The following PDLIM3 variants were observed in gnomAD, a reference collection of about 807,000 sequenced individuals.
PDLIM3 encodes PDZ and LIM domain 3, also known as PDZ and LIM domain protein 3.
In PDLIM3, 36 loss-of-function variants were observed where a neutral mutation model predicts 37.3. The ratio of observed to expected loss-of-function variants is 0.97; its 90% confidence interval spans 0.74 to 1.28. PDLIM3 has a LOEUF of 1.28. Ranked by LOEUF, PDLIM3 falls within the 50% of genes most tolerant of loss-of-function variation. PDLIM3 has a pLI of 0.00. For synonymous variants in PDLIM3, 174 were observed against 182.4 expected (o/e 0.95, Z 0.37); for missense variants, 454 against 485.0 (o/e 0.94, Z 0.60).
chr4:185,524,867 CT>C (rs1481605945), intron 2 of PDLIM3, among the ~76,000 whole-genome samples, 152 bp downstream of exon 2: 1 of 152,220 alleles, frequency 6.6e-6, no homozygotes, highest in Non-Finnish European at 1.5e-5. Context: ...GATTGACTGA[CT>C]TTAGTAAAGA....
chr4:185,513,439 G>A (rs967706413), intron 4 of PDLIM3: 5 of 930,070 alleles, frequency 5.4e-6, no homozygotes, highest in African/African-American at 1.8e-5. Context: ...AAAATGGGCC[G>A]TGTCTCACAC....
intron 1 of PDLIM3, among the ~76,000 whole-genome samples, chr4:185,531,773 T>G (rs2095744763): frequency 6.6e-6 from 1 of 151,808 alleles, no homozygotes; most frequent in South Asian, 2.1e-4. Context: ...GGTATTTCAA[T>G]TCTTTGTATA....
intron 5 of PDLIM3, among the ~76,000 whole-genome samples, chr4:185,507,902 C>T (rs374886625): frequency 5.3e-5 from 8 of 151,822 alleles, no homozygotes; most frequent in South Asian, 2.1e-4. Flanking sequence ...TTTTTGATCC[C>T]CAAAGGACAG....
At position 185,508,367 on chromosome 4, in the gene PDLIM3, T is replaced by C. The variant is rs200841741; in HGVS notation, c.594A>G (p.Ser198=). 1 of 1,614,128 alleles carries C rather than the reference T, an allele frequency of 6.2e-7. No homozygotes were observed. Among genetic ancestry groups the C allele is most frequent in the East Asian group, 2.2e-5 (1 of 44,888 alleles). Residue 198 remains serine, a synonymous_variant, in exon 5 of 8, where the codon TCA becomes TCG. Transcript: ENST00000284767. ...AQFNTPMQLY[S]DDNIMETLQG... is the part of the protein sequence containing the mutation. ...GGAGTGTTTCCATAATATTGTCATC[T>C]GAGTACAACTGCATAGGTGTATTAA...
intron 1 of PDLIM3, among the ~76,000 whole-genome samples, chr4:185,534,272 A>G (rs920449218): frequency 6.6e-6 from 1 of 152,244 alleles, no homozygotes; most frequent in African/African-American, 2.4e-5. Flanking sequence ...ACCTTGTTCA[A>G]AATCTGTATG....
chr4:185,511,065 C>T (rs2095705747), intron 4 of PDLIM3, among the ~76,000 whole-genome samples: 2 of 152,164 alleles, frequency 1.3e-5, no homozygotes, highest in African/African-American at 4.8e-5. Flanking sequence ...TTACTTCATG[C>T]CCAGATACGT....
intron 1 of PDLIM3, among the ~76,000 whole-genome samples, chr4:185,526,422 A>T (rs2095734272): frequency 6.6e-6 from 1 of 152,242 alleles, no homozygotes; most frequent in Non-Finnish European, 1.5e-5. Flanking sequence ...AAGAAGTGAG[A>T]TCCAATTTTA....
chr4:185,518,390 C>A (rs2095717909), intron 3 of PDLIM3, among the ~76,000 whole-genome samples: 1 of 151,910 alleles, frequency 6.6e-6, no homozygotes, highest in Non-Finnish European at 1.5e-5. Flanking sequence ...TAATTCTGAA[C>A]CATCTCCAAC....
intron 1 of PDLIM3, among the ~76,000 whole-genome samples, chr4:185,527,698 T>C (rs1580264818): frequency 2.0e-5 from 3 of 152,220 alleles, no homozygotes; most frequent in Admixed American, 2.0e-4. Context: ...TTTCTCTCAT[T>C]TGTCAAAATC....
rs1425600843 is a variant in PDLIM3 at position 185,527,380 on chromosome 4, A to G, written c.94-2209T>C. Among the ~76,000 whole-genome samples the G allele has an allele frequency of 3.9e-5, 6 of 152,264 alleles. No individual in the cohort carries two copies. The East Asian group carries it at 1.2e-3, about 29-fold the overall frequency. On this transcript the variant is annotated intron_variant, in intron 1 of 7. Transcript: ENST00000284767. ...CTAAGGAAGATACAAGTTCATCTGA[A>G]TAAATAAAAATTGCTAAAATAATAA...
chr4:185,514,602 G>T lies in PDLIM3; in HGVS notation c.331-265C>A. 7.6e-7 allele frequency: 1 copy of T among 1,319,040 alleles called. No individual in the cohort carries two copies. Among genetic ancestry groups the T allele is most frequent in the Non-Finnish European group, 1.0e-6 (1 of 973,038 alleles). The allele number at this position is 1,319,040 out of a possible 1,614,324, so 81.7% of individuals were successfully genotyped here. ...AAGAGAAATCTGATAGTGCCTTCAG[G>T]AAAGTAAAAATAAAACAGCAAGAGC... On this transcript the variant is annotated intron_variant, in intron 3 of 7. Coordinates refer to ENST00000284767, the MANE Select transcript of PDLIM3 (RefSeq NM_014476.6). This position sits in a 1 kb window ranked among gnomAD's most constrained non-coding sequence, Gnocchi z 4.0.
chr4:185,534,317 A>G (rs1308430535), intron 1 of PDLIM3, among the ~76,000 whole-genome samples: 1 of 152,102 alleles, frequency 6.6e-6, no homozygotes, highest in Non-Finnish European at 1.5e-5. Context: ...ATACAATTAT[A>G]AAATATGGCA....
intron 4 of PDLIM3, chr4:185,513,257 G>C (rs1192526655): frequency 3.0e-6 from 3 of 985,274 alleles, no homozygotes; most frequent in Non-Finnish European, 3.6e-6. Context: ...TTCTGGATCT[G>C]ATATCACAAG....
At chr4:185,507,920 G>T (rs983864175) in intron 5 of PDLIM3, among the ~76,000 whole-genome samples, 2 of 151,882 alleles carry the variant, frequency 1.3e-5, no homozygotes, top group African/African-American at 2.4e-5. Flanking sequence ...CAGACATAGG[G>T]TATACTAGAT....
rs1234450934 is a variant in PDLIM3 at position 185,520,983 on chromosome 4, T to C, written c.330+2379A>G. Among the ~76,000 whole-genome samples the C allele has an allele frequency of 4.5e-5, 3 of 66,168 alleles. 1 individual carries two copies. Among genetic ancestry groups the C allele is most frequent in the African/African-American group, 8.2e-5 (3 of 36,464 alleles). 43.4% of individuals were successfully genotyped at this position (66,168 alleles called of 152,430 possible). A position where few individuals can be genotyped will look rare whatever the true frequency, so the allele number is the denominator to read the frequency against. ...AAAGGAAATGCAGAGTCCCTTCTGGTTGGTCCAGGTAATGATAAGAGGCTG... is the reference window on the plus strand; with the variant it reads ...AAAGGAAATGCAGAGTCCCTTCTGGCTGGTCCAGGTAATGATAAGAGGCTG... On this transcript the variant is annotated intron_variant, in intron 3 of 7. Transcript: ENST00000284767.
intron 5 of PDLIM3, among the ~76,000 whole-genome samples, chr4:185,507,590 A>G (rs1457767000): frequency 6.6e-6 from 1 of 152,202 alleles, no homozygotes; most frequent in East Asian, 1.9e-4. Flanking sequence ...AATTTAATTT[A>G]TAAATAGTGA....
At chr4:185,531,926 T>TAAAAAAAA (rs33963949) in intron 1 of PDLIM3, among the ~76,000 whole-genome samples, 1 of 105,914 alleles carries the variant, frequency 9.4e-6, no homozygotes, top group Non-Finnish European at 1.8e-5. Flanking sequence ...CTATCTCTAC[T>TAAAAAAAA]AAAAAAAAAA....
chr4:185,508,530 C>T lies in PDLIM3; in HGVS notation c.431G>A (p.Gly144Asp), dbSNP rs1580239851. The change falls in exon 5 of 8, where the codon GGC becomes GAC. Residue 144 changes from glycine to aspartate, a missense_variant. Physicochemically the swap from Gly to Asp is moderately conservative, Grantham distance 94. Transcript: ENST00000284767. ...AGAAGAAGGGGTGCTGCGTCCACTG[C>T]CACAGTCAATCCCGGAGGGAGTGCT... ...GCSTPSGIDC[G>D]SGRSTPSSVS... 6.2e-7 allele frequency: 1 copy of T among 1,614,076 alleles called. No individual in the cohort carries two copies. The highest frequency in any genetic ancestry group is 2.2e-5 in the East Asian group (1 of 44,886).
In PDLIM3 at chr4:185,523,558, T is replaced by C. The variant is rs1000340737; in HGVS notation, c.246-112A>G. The C allele has an allele frequency of 6.7e-6, 4 of 594,550 alleles. No homozygotes were observed. The Admixed American group carries it at 1.1e-4, about 17-fold the overall frequency. 36.8% of individuals were successfully genotyped at this position (594,550 alleles called of 1,614,324 possible). On this transcript the variant is annotated intron_variant, in intron 2 of 7. Coordinates refer to ENST00000284767, the MANE Select transcript of PDLIM3 (RefSeq NM_014476.6). ...AATACTAGCAAACCTCACTAACTTA[T>C]GCAAAAACAATTTTTTTTTTTGCTG...
Sources: allele counts gnomAD v4.1 joint callset (sites outside exome capture counted in the v4.1 genomes callset), GRCh38; gene constraint gnomAD v4.1.1; non-coding constraint Gnocchi (gnomAD v3.1); transcripts MANE v1.5; gene names NCBI Gene and HGNC (gene_info 2026-07-23, HGNC 2026-07-21).